The following AGFG1 variants were observed in gnomAD, a reference collection of about 807,000 sequenced individuals.
AGFG1 encodes ArfGAP with FG repeats 1, also known as arf-GAP domain and FG repeat-containing protein 1.
A neutral mutation model predicts 60.6 loss-of-function variants in AGFG1; 10 were observed. That is an observed-to-expected ratio of 0.16 (90% CI 0.10 to 0.28). The LOEUF is 0.28. Ranked by LOEUF, AGFG1 falls within the 10% of genes least tolerant of loss-of-function variation. The probability of loss-of-function intolerance (pLI) is 1.00; values close to 1 mark genes in which losing one functional copy is unlikely to be tolerated. For synonymous variants in AGFG1, 247 were observed against 242.9 expected (o/e 1.02, Z -0.16); for missense variants, 537 against 676.5 (o/e 0.79, Z 2.29).
In AGFG1 at chr2:227,485,748, T is replaced by C. The variant is rs116701532; in HGVS notation, c.168-5799T>C. Among the ~76,000 whole-genome samples the C allele has an allele frequency of 2.1e-3, 322 of 152,324 alleles. 2 individuals are homozygous for C. The highest frequency in any genetic ancestry group is 7.5e-3 in the African/African-American group (313 of 41,564). On this transcript the variant is annotated intron_variant, in intron 1 of 12. Coordinates refer to ENST00000310078, the MANE Select transcript of AGFG1 (RefSeq NM_004504.5). The stretch of plus-strand genomic sequence containing the variant: ...TAATTTCCACATTTATAATTTTTCA[T>C]TTCTGAAAATTCTGATTTTTAAATT...
At chr2:227,480,010 G>A (rs1432213025) in intron 1 of AGFG1, among the ~76,000 whole-genome samples, 1 of 152,190 alleles carries the variant, frequency 6.6e-6, no homozygotes, top group Non-Finnish European at 1.5e-5. Flanking sequence ...CACCATACAT[G>A]TTTTGTAGAG....
Position 227,485,243 on chromosome 2 carries a change from CTTTT to C in AGFG1, c.168-6288_168-6285del, listed in dbSNP as rs71036201. Among the ~76,000 whole-genome samples, 410 of 110,542 alleles carry C rather than the reference CTTTT, an allele frequency of 3.7e-3. 1 individual carries two copies. The highest frequency in any genetic ancestry group is 0.02 in the East Asian group (74 of 3,756). The allele number at this position is 110,542 out of a possible 152,430, so 72.5% of individuals were successfully genotyped here. ...TCTTTGAAGTTTCACCGAATCGTTT[CTTTT>C]TTTTTTTTTTTTTTTGAGACAGAGT... On this transcript the variant is annotated intron_variant, in intron 1 of 12. Transcript: ENST00000310078.
intron 10 of AGFG1, among the ~76,000 whole-genome samples, chr2:227,539,646 G>C (rs1174300464): frequency 6.7e-6 from 1 of 150,100 alleles, no homozygotes; most frequent in Non-Finnish European, 1.5e-5. Context: ...TCAGGAGGCT[G>C]AGGTGGGAGG....
At chr2:227,530,992 A>T in intron 5 of AGFG1, 99 bp from the exon 6 acceptor site, 2 of 1,090,320 alleles carry the variant, frequency 1.8e-6, no homozygotes, top group Admixed American at 3.2e-5. Flanking sequence ...GAGTTTTGAT[A>T]CATAGAAACT....
At chr2:227,531,065 C>T in intron 5 of AGFG1, 26 bp from the exon 6 acceptor site, 1 of 1,589,492 alleles carries the variant, frequency 6.3e-7, no homozygotes, top group Non-Finnish European at 8.6e-7. Context: ...TATTCATTAA[C>T]ATATGTTGTT....
chr2:227,511,900 CT>C (rs1691507033), intron 2 of AGFG1, among the ~76,000 whole-genome samples: 1 of 152,122 alleles, frequency 6.6e-6, no homozygotes, highest in Admixed American at 6.6e-5. Context: ...TTAGGGAAGA[CT>C]TTCTGAGGAG....
In AGFG1 at chr2:227,482,714, T is replaced by C. The variant is rs868608415; in HGVS notation, c.168-8833T>C. On this transcript the variant is annotated intron_variant, in intron 1 of 12. Transcript: ENST00000310078. Reference sequence around the variant, plus strand: ...CTTACTCATCCAGCACAGATTGTTATTTGAATTGAACAAATGGTTATTTGC... The same window carrying C: ...CTTACTCATCCAGCACAGATTGTTACTTGAATTGAACAAATGGTTATTTGC... Among the ~76,000 whole-genome samples the C allele has an allele frequency of 2.6e-5, 4 of 152,340 alleles. No homozygotes were observed. The Middle Eastern group carries it at 0.014, about 518-fold the overall frequency.
At chr2:227,490,535 G>T (rs1215062743) in intron 1 of AGFG1, among the ~76,000 whole-genome samples, 1 of 146,696 alleles carries the variant, frequency 6.8e-6, no homozygotes, top group Non-Finnish European at 1.5e-5. Flanking sequence ...CCGAGACTGC[G>T]CCACTGCACT....
intron 2 of AGFG1, among the ~76,000 whole-genome samples, chr2:227,506,789 C>G (rs1691328076): frequency 6.6e-6 from 1 of 152,142 alleles, no homozygotes; most frequent in Non-Finnish European, 1.5e-5. Flanking sequence ...CCTCTCCAGT[C>G]ACTCATTCTT....
chr2:227,519,812 A>G, intron 2 of AGFG1, 136 bp from the exon 3 acceptor site: 1 of 552,590 alleles, frequency 1.8e-6, no homozygotes, highest in Non-Finnish European at 3.2e-6. Flanking sequence ...GTTCCTGTTT[A>G]TTAGTATCCT....
rs955164924 is a variant in AGFG1, at chr2:227,472,690, C to G, written c.167+102C>G. On this transcript the variant is annotated intron_variant, in intron 1 of 12. Coordinates refer to ENST00000310078, the MANE Select transcript of AGFG1 (RefSeq NM_004504.5). ...CCGGGGCTGGGAAAGAGCCGGGTGC[C>G]GTGGGAGGCGGTCGGGGGCGGCCGT... The G allele has an allele frequency of 3.1e-6, 4 of 1,288,892 alleles. No individual in the cohort carries two copies. In the African/African-American group the frequency reaches 4.7e-5, roughly 15 times the overall value. 79.8% of individuals were successfully genotyped at this position (1,288,892 alleles called of 1,614,324 possible). A position where few individuals can be genotyped will look rare whatever the true frequency, so the allele number is the denominator to read the frequency against.
At chr2:227,485,690 C>G (rs1690613160) in intron 1 of AGFG1, among the ~76,000 whole-genome samples, 2 of 152,048 alleles carry the variant, frequency 1.3e-5, no homozygotes, top group South Asian at 4.2e-4. Flanking sequence ...CTAGTTATGT[C>G]TAATCTGCTC....
At chr2:227,540,916 TA>T (rs1428048291) in intron 10 of AGFG1, among the ~76,000 whole-genome samples, 1 of 152,216 alleles carries the variant, frequency 6.6e-6, no homozygotes, top group African/African-American at 2.4e-5. Context: ...TATCTCATTG[TA>T]GTTTTGGTTT....
At chr2:227,536,402 A>C (rs989448659) in intron 8 of AGFG1, among the ~76,000 whole-genome samples, 1 of 152,148 alleles carries the variant, frequency 6.6e-6, no homozygotes. Flanking sequence ...CCCACTACAC[A>C]TTCAGTTTTA....
At position 227,558,046 on chromosome 2, in the gene AGFG1, T is replaced by G. The variant is rs983054544; in HGVS notation, c.*3551T>G. ...TTTGTTTGCTAGTGAGAACTGAAAT[T>G]GCAGACTTTTTAACACTACTTCAAG... On this transcript the variant is annotated 3_prime_UTR_variant, in exon 13 of 13. Coordinates refer to ENST00000310078, the MANE Select transcript of AGFG1 (RefSeq NM_004504.5). 11 of 152,210 alleles carry G rather than the reference T, an allele frequency of 7.2e-5. No homozygotes were observed. The highest frequency in any genetic ancestry group is 2.7e-4 in the African/African-American group (11 of 41,442). The allele number at this position is 152,210 out of a possible 1,614,324, so 9.4% of individuals were successfully genotyped here.
chr2:227,484,210 A>G (rs1377876833), intron 1 of AGFG1, among the ~76,000 whole-genome samples: 1 of 151,984 alleles, frequency 6.6e-6, no homozygotes, highest in South Asian at 2.1e-4. Flanking sequence ...TTTTTTTGAG[A>G]CGGAGTTTTA....
chr2:227,496,121 A>G (rs28367186), intron 2 of AGFG1, among the ~76,000 whole-genome samples: 6 of 142,960 alleles, frequency 4.2e-5, no homozygotes, highest in Admixed American at 7.0e-5. Flanking sequence ...AAAAAAAAAA[A>G]AAAGAAAAAA....
intron 6 of AGFG1, chr2:227,532,225 A>G: frequency 6.5e-7 from 1 of 1,534,354 alleles, no homozygotes; most frequent in South Asian, 1.2e-5. Flanking sequence ...TTCTGTTGTC[A>G]AGTAGGCATC....
At chr2:227,528,447 C>G (rs539952444) in intron 5 of AGFG1, among the ~76,000 whole-genome samples, 95 of 152,250 alleles carry the variant, frequency 6.2e-4, no homozygotes, top group African/African-American at 2.2e-3. Flanking sequence ...GAAGCGATTT[C>G]CCCCCTGACC....
Sources: allele counts gnomAD v4.1 joint callset (sites outside exome capture counted in the v4.1 genomes callset), GRCh38; gene constraint gnomAD v4.1.1; transcripts MANE v1.5; gene names NCBI Gene and HGNC (gene_info 2026-07-23, HGNC 2026-07-21).